GP5: variants seen among roughly 807,000 people sequenced by gnomAD.
GP5 encodes glycoprotein V platelet, also known as platelet glycoprotein V.
For synonymous variants in GP5, 382 were observed against 353.9 expected (o/e 1.08, Z -0.89); for missense variants, 755 against 737.1 (o/e 1.02, Z -0.28).
rs1054206896 is a variant in GP5, at chr3:194,395,126, G to A, written c.*1474C>T. On this transcript the variant is annotated 3_prime_UTR_variant, in exon 2 of 2. Coordinates refer to ENST00000692618, the MANE Select transcript of GP5 (RefSeq NM_004488.2). ...AAAAACTCTACGAAGCAGGTACTATGTTATCCTGTTTTAAGGTTCAGGAAA... is the reference window on the plus strand; with the variant it reads ...AAAAACTCTACGAAGCAGGTACTATATTATCCTGTTTTAAGGTTCAGGAAA... The A allele has an allele frequency of 6.6e-6, 1 of 152,162 alleles. No individual in the cohort carries two copies. Among genetic ancestry groups the A allele is most frequent in the Non-Finnish European group, 1.5e-5 (1 of 68,040 alleles). 9.4% of individuals were successfully genotyped at this position (152,162 alleles called of 1,614,324 possible).
intron 1 of GP5, 33 bp from the exon 2 acceptor site, chr3:194,398,317 CA>C (rs148391579): frequency 0.015 from 22,438 of 1,538,938 alleles, 751 homozygotes; most frequent in African/African-American, 0.11. Flanking sequence ...GTGGTCAACA[CA>C]CAGGAGCGTT....
At position 194,397,749 on chromosome 3, in the gene GP5, C is replaced by T; in HGVS notation, c.534G>A (p.Ser178=). 1 of 1,613,772 alleles carries T rather than the reference C, an allele frequency of 6.2e-7. No homozygotes were observed. ...TGGGCAGGTGGGTCAGGTTGTTTCC[C>T]GATAAATCCAACAACTTCAGGTTCT... The part of the protein sequence containing the change: ...NLENLKLLDL[S]GNNLTHLPKG... The change falls in exon 2 of 2, where the codon TCG becomes TCA. Residue 178 remains serine, a synonymous_variant. Coordinates refer to ENST00000692618, the MANE Select transcript of GP5 (RefSeq NM_004488.2). The surrounding 1 kb of genome is among the most constrained non-coding windows in gnomAD (Gnocchi z 7.2).
At position 194,397,911 on chromosome 3, in the gene GP5, C is replaced by T; in HGVS notation, c.372G>A (p.Leu124=). Reference sequence around the variant, plus strand: ...CATTGTGGTCCAAAAACAACTGCTCCAGGAGCACCATCTTATCCAGCAGCG... The same window carrying T: ...CATTGTGGTCCAAAAACAACTGCTCTAGGAGCACCATCTTATCCAGCAGCG... ...PGALLDKMVL[L]EQLFLDHNAL... The change falls in exon 2 of 2, where the codon CTG becomes CTA. Residue 124 remains leucine, a synonymous_variant. Coordinates refer to ENST00000692618, the MANE Select transcript of GP5 (RefSeq NM_004488.2). This position sits in a 1 kb window ranked among gnomAD's most constrained non-coding sequence, Gnocchi z 7.2. 1 of 1,614,214 alleles carries T rather than the reference C, an allele frequency of 6.2e-7. No individual in the cohort carries two copies. Among genetic ancestry groups the T allele is most frequent in the Middle Eastern group, 1.7e-4 (1 of 6,060 alleles).
rs1376354596 is a variant in GP5 at position 194,395,577 on chromosome 3, CCT to C, written c.*1021_*1022del. 6.6e-6 allele frequency: 1 copy of C among 152,246 alleles called. No homozygotes were observed. The highest frequency in any genetic ancestry group is 1.5e-5 in the Non-Finnish European group (1 of 68,072). The allele number at this position is 152,246 out of a possible 1,614,324, so 9.4% of individuals were successfully genotyped here. A position where few individuals can be genotyped will look rare whatever the true frequency, so the allele number is the denominator to read the frequency against. The stretch of plus-strand genomic sequence containing the variant: ...TGGAGGGAAGGCTCCGTGTTTTCTT[CCT>C]CTCTCAGCCTCACAGAAGTCGCTTA... On this transcript the variant is annotated 3_prime_UTR_variant, in exon 2 of 2. Transcript: ENST00000692618.
At position 194,398,188 on chromosome 3, in the gene GP5, G is replaced by C. The variant is rs1334274544; in HGVS notation, c.95C>G (p.Ala32Gly). ...CACGTCGCCCCCCGAGCACTGCGCG[G>C]CGTCCCGGAAGACACACTTGCAAGC... Reference protein sequence around the residue: ...PPACKCVFRDAAQCSGGDVAR... With the variant: ...PPACKCVFRDGAQCSGGDVAR... The change falls in exon 2 of 2, where the codon GCC becomes GGC. Residue 32 changes from alanine (A) to glycine (G), a missense_variant. Coordinates refer to ENST00000692618, the MANE Select transcript of GP5 (RefSeq NM_004488.2). The C allele has an allele frequency of 6.2e-7, 1 of 1,612,680 alleles. No individual in the cohort carries two copies. The highest frequency in any genetic ancestry group is 8.5e-7 in the Non-Finnish European group (1 of 1,179,726).
At position 194,396,561 on chromosome 3, in the gene GP5, T is replaced by C. The variant is rs751580409; in HGVS notation, c.*39A>G. On this transcript the variant is annotated 3_prime_UTR_variant, in exon 2 of 2. Coordinates refer to ENST00000692618, the MANE Select transcript of GP5 (RefSeq NM_004488.2). ...TCTGGATTCCCCTCCGAGCCACATC[T>C]GGTCAGGTTCTAAGTAATTAGAAGA... The C allele has an allele frequency of 9.8e-6, 15 of 1,535,010 alleles. No homozygotes were observed. In the South Asian group the frequency reaches 1.5e-4, roughly 16 times the overall value.
chr3:194,398,387 A>G (rs1714525092), intron 1 of GP5, 103 bp from the exon 2 acceptor site: 2 of 1,121,492 alleles, frequency 1.8e-6, no homozygotes, highest in East Asian at 2.6e-5. Flanking sequence ...TCCTTTCGCC[A>G]GAATTCTCAC....
intron 1 of GP5, among the ~76,000 whole-genome samples, chr3:194,398,856 A>G (rs973571038): frequency 2.0e-5 from 3 of 152,212 alleles, no homozygotes; most frequent in Non-Finnish European, 2.9e-5. Flanking sequence ...TACGCCATGC[A>G]TTGTTCTCAG....
In GP5 at chr3:194,396,913, T is replaced by G. The variant is rs1459617453; in HGVS notation, c.1370A>C (p.His457Pro). ...EPPRCAGPGA[H>P]AGLPLWALPG... is the part of the protein sequence containing the mutation. Reference sequence around the variant, plus strand: ...CAGGGCCCAGAGCGGCAGGCCGGCGTGCGCCCCAGGGCCTGCGCACCGTGG... The same window carrying G: ...CAGGGCCCAGAGCGGCAGGCCGGCGGGCGCCCCAGGGCCTGCGCACCGTGG... Residue 457 changes from histidine (H) to proline (P), a missense_variant, in exon 2 of 2, where the codon CAC becomes CCC. His to Pro is a moderately conservative substitution (Grantham distance 77). Transcript: ENST00000692618. 6.6e-7 allele frequency: 1 copy of G among 1,504,792 alleles called. No individual in the cohort carries two copies. The highest frequency in any genetic ancestry group is 1.4e-5 in the African/African-American group (1 of 70,962). The allele number at this position is 1,504,792 out of a possible 1,614,324, so 93.2% of individuals were successfully genotyped here.
rs1291168067 is a variant in GP5, at chr3:194,397,135, A to G, written c.1148T>C (p.Phe383Ser). The G allele has an allele frequency of 1.3e-6, 2 of 1,588,844 alleles. No individual in the cohort carries two copies. The highest frequency in any genetic ancestry group is 1.7e-6 in the Non-Finnish European group (2 of 1,175,588). The change falls in exon 2 of 2, where the codon TTC (phenylalanine) becomes TCC (serine). Residue 383 changes from phenylalanine (F) to serine (S), a missense_variant. Physicochemically the swap from Phe to Ser is radical, Grantham distance 155. Transcript: ENST00000692618. This position sits in a 1 kb window ranked among gnomAD's most constrained non-coding sequence, Gnocchi z 7.2. ...NRLRALPRAL[F>S]RNLSSLESVQ... is the part of the protein sequence containing the mutation. ...GCTCTCCAGGCTGCTGAGATTGCGG[A>G]AGAGGGCACGGGGCAGGGCGCGCAG...
chr3:194,398,101 C>T lies in GP5; in HGVS notation c.182G>A (p.Gly61Asp), dbSNP rs760595151. Residue 61 changes from glycine to aspartate, a missense_variant, in exon 2 of 2, where the codon GGC becomes GAC. Physicochemically the swap from Gly to Asp is moderately conservative, Grantham distance 94 (BLOSUM62 -1). Transcript: ENST00000692618. ...NLTHILLFGM[G>D]RGVLQSQSFS... is the part of the protein sequence containing the mutation. Reference sequence around the variant, plus strand: ...GCTCTGGCTCTGCAGGACGCCGCGGCCCATTCCGAAGAGCAGGATGTGCGT... The same window carrying T: ...GCTCTGGCTCTGCAGGACGCCGCGGTCCATTCCGAAGAGCAGGATGTGCGT... The T allele has an allele frequency of 1.9e-6, 3 of 1,613,576 alleles. No homozygotes were observed. Among genetic ancestry groups the T allele is most frequent in the Non-Finnish European group, 2.5e-6 (3 of 1,179,876 alleles).
Position 194,396,431 on chromosome 3 carries a change from A to G in GP5, c.*169T>C. 1 of 585,744 alleles carries G rather than the reference A, an allele frequency of 1.7e-6. No homozygotes were observed. Among genetic ancestry groups the G allele is most frequent in the South Asian group, 2.5e-5 (1 of 39,378 alleles). 36.3% of individuals were successfully genotyped at this position (585,744 alleles called of 1,614,324 possible). A position where few individuals can be genotyped will look rare whatever the true frequency, so the allele number is the denominator to read the frequency against. On this transcript the variant is annotated 3_prime_UTR_variant, in exon 2 of 2. Coordinates refer to ENST00000692618, the MANE Select transcript of GP5 (RefSeq NM_004488.2). ...GCGGGCCTGTGAGAATGAAGAGCAC[A>G]GAGCGGAGAGGGGGAGGAGGAGGGA...
chr3:194,398,298 C>T lies in GP5; in HGVS notation c.-2-14G>A, dbSNP rs1278589889. 4 of 1,572,024 alleles carry T rather than the reference C, an allele frequency of 2.5e-6. No individual in the cohort carries two copies. Among genetic ancestry groups the T allele is most frequent in the South Asian group, 2.3e-5 (2 of 86,392 alleles). ...CCCTCAGCATGTCTGAAAAAGCAAC[C>T]GTGGGAGTGTGGTCAACACACAGGA... On this transcript the variant is annotated splice_polypyrimidine_tract_variant and intron_variant, in intron 1 of 1. Coordinates refer to ENST00000692618, the MANE Select transcript of GP5 (RefSeq NM_004488.2).
Position 194,396,532 on chromosome 3 carries a change from C to T in GP5, c.*68G>A, listed in dbSNP as rs894586810. ...GAGGGGAGGGAGAGCAAGACAGCAG[C>T]GGGTCTGGATTCCCCTCCGAGCCAC... On this transcript the variant is annotated 3_prime_UTR_variant, in exon 2 of 2. Transcript: ENST00000692618. 3.9e-6 allele frequency: 5 copies of T among 1,296,750 alleles called. No homozygotes were observed. The highest frequency in any genetic ancestry group is 2.9e-5 in the South Asian group (2 of 69,028). The allele number at this position is 1,296,750 out of a possible 1,614,324, so 80.3% of individuals were successfully genotyped here.
In GP5 at chr3:194,396,173, G is replaced by C. The variant is rs1380608045; in HGVS notation, c.*427C>G. 1 of 167,188 alleles carries C rather than the reference G, an allele frequency of 6.0e-6. No individual in the cohort carries two copies. The highest frequency in any genetic ancestry group is 6.1e-5 in the Admixed American group (1 of 16,478). The allele number at this position is 167,188 out of a possible 1,614,324, so 10.4% of individuals were successfully genotyped here. A position where few individuals can be genotyped will look rare whatever the true frequency, so the allele number is the denominator to read the frequency against. The stretch of plus-strand genomic sequence containing the variant: ...ACATTTACCGGCTTACTCTGTGCAG[G>C]AGACAGGCCCCGGCCTGGAGCTGTC... On this transcript the variant is annotated 3_prime_UTR_variant, in exon 2 of 2. Coordinates refer to ENST00000692618, the MANE Select transcript of GP5 (RefSeq NM_004488.2).
rs1479044368 is a variant in GP5, at chr3:194,396,083, C to T, written c.*517G>A. 2 of 152,992 alleles carry T rather than the reference C, an allele frequency of 1.3e-5. No homozygotes were observed. Among genetic ancestry groups the T allele is most frequent in the Non-Finnish European group, 2.9e-5 (2 of 68,604 alleles). 9.5% of individuals were successfully genotyped at this position (152,992 alleles called of 1,614,324 possible). On this transcript the variant is annotated 3_prime_UTR_variant, in exon 2 of 2. Transcript: ENST00000692618. ...AGATAGAGCAACAGCCTATCCTTTC[C>T]CTCCAGGAAAAGCCATCATCACTTG...
At chr3:194,398,889 T>C (rs1396308665) in intron 1 of GP5, among the ~76,000 whole-genome samples, 2 of 152,230 alleles carry the variant, frequency 1.3e-5, no homozygotes, top group African/African-American at 2.4e-5. Flanking sequence ...ACTACATGCA[T>C]TTAATCCTTA....
At position 194,395,221 on chromosome 3, in the gene GP5, G is replaced by A. The variant is rs2108670718; in HGVS notation, c.*1379C>T. The stretch of plus-strand genomic sequence containing the variant: ...TGCAGTTAGTAAGTGGTAGAGCTGG[G>A]ATTTGAACCCACAGTTGTCAACTCG... On this transcript the variant is annotated 3_prime_UTR_variant, in exon 2 of 2. Coordinates refer to ENST00000692618, the MANE Select transcript of GP5 (RefSeq NM_004488.2). 6.6e-6 allele frequency: 1 copy of A among 152,298 alleles called. No homozygotes were observed. The allele number at this position is 152,298 out of a possible 1,614,324, so 9.4% of individuals were successfully genotyped here.
chr3:194,397,172 G>C lies in GP5; in HGVS notation c.1111C>G (p.Arg371Gly). 6.3e-7 allele frequency: 1 copy of C among 1,577,460 alleles called. No individual in the cohort carries two copies. Among genetic ancestry groups the C allele is most frequent in the South Asian group, 1.1e-5 (1 of 88,502 alleles). ...GGCAGGGCGCGCAGCCTGTTGCGGC[G>C]CAGGGACACCTGGCGCAGCTTGCCG... ...GLGKLRQVSL[R>G]RNRLRALPRA... The change falls in exon 2 of 2, where the codon CGC (arginine) becomes GGC (glycine). Residue 371 changes from arginine (R) to glycine (G), a missense_variant. Physicochemically the swap from Arg to Gly is moderately radical, Grantham distance 125 (BLOSUM62 -2). Coordinates refer to ENST00000692618, the MANE Select transcript of GP5 (RefSeq NM_004488.2). The surrounding 1 kb of genome is among the most constrained non-coding windows in gnomAD (Gnocchi z 7.2).
Sources: allele counts gnomAD v4.1 joint callset (sites outside exome capture counted in the v4.1 genomes callset), GRCh38; gene constraint gnomAD v4.1.1; non-coding constraint Gnocchi (gnomAD v3.1); transcripts MANE v1.5; gene names NCBI Gene and HGNC (gene_info 2026-07-23, HGNC 2026-07-21).